The following ZNF438 variants were observed in gnomAD, a reference collection of about 807,000 sequenced individuals.
The protein encoded by ZNF438 is zinc finger protein 438.
A neutral mutation model predicts 38.0 loss-of-function variants in ZNF438; 25 were observed. The observed-to-expected ratio is 0.66, with a 90% confidence interval of 0.48 to 0.92. The LOEUF (loss-of-function observed/expected upper bound fraction) is 0.92, where lower values mean the gene tolerates loss of function less well. Ranked by LOEUF, ZNF438 falls within the 40% of genes least tolerant of loss-of-function variation. ZNF438 has a pLI of 0.00. For synonymous variants in ZNF438, 372 were observed against 364.1 expected (o/e 1.02, Z -0.25); for missense variants, 1,007 against 999.6 (o/e 1.01, Z -0.10).
intron 2 of ZNF438, among the ~76,000 whole-genome samples, chr10:30,914,984 C>CT (rs1226160968): frequency 6.6e-6 from 1 of 151,844 alleles, no homozygotes; most frequent in Non-Finnish European, 1.5e-5. Flanking sequence ...AAGCTCAAAA[C>CT]TTGTTTAGGC....
intron 1 of ZNF438, among the ~76,000 whole-genome samples, chr10:30,988,119 C>T (rs1013371658): frequency 2.0e-5 from 3 of 151,614 alleles, no homozygotes; most frequent in African/African-American, 4.8e-5. Context: ...TGCTGTAAAT[C>T]GAGTTTACTG....
intron 1 of ZNF438, among the ~76,000 whole-genome samples, chr10:30,972,675 A>G (rs1415292532): frequency 3.3e-5 from 5 of 152,126 alleles, no homozygotes; most frequent in Admixed American, 3.3e-4. Context: ...ACAGGCCTCT[A>G]CTGTTGTCCA....
At chr10:30,987,466 G>A (rs527251263) in intron 1 of ZNF438, among the ~76,000 whole-genome samples, 180 of 151,842 alleles carry the variant, frequency 1.2e-3, no homozygotes, top group African/African-American at 4.1e-3. Flanking sequence ...TCAACATAAC[G>A]GATGATTTTC....
intron 1 of ZNF438, among the ~76,000 whole-genome samples, chr10:30,953,385 T>TA (rs1314169042): frequency 4.0e-5 from 6 of 150,880 alleles, no homozygotes; most frequent in African/African-American, 1.5e-4. Flanking sequence ...ACATGTACCC[T>TA]AAAACTTAAA....
At chr10:30,957,423 T>C (rs1338593140) in intron 1 of ZNF438, among the ~76,000 whole-genome samples, 1 of 152,198 alleles carries the variant, frequency 6.6e-6, no homozygotes, top group Non-Finnish European at 1.5e-5. Context: ...TTTCTTTCCT[T>C]GTCTGTGCTT....
At chr10:30,969,296 C>T (rs919941749) in intron 1 of ZNF438, among the ~76,000 whole-genome samples, 4 of 152,176 alleles carry the variant, frequency 2.6e-5, no homozygotes, top group Non-Finnish European at 5.9e-5. Flanking sequence ...CCAAAGCACA[C>T]ATAGTCTGCT....
chr10:30,939,271 GTTGT>G (rs1454935120), intron 2 of ZNF438, among the ~76,000 whole-genome samples: 6 of 152,260 alleles, frequency 3.9e-5, no homozygotes, highest in South Asian at 2.1e-4. Context: ...AACCTTGAGG[GTTGT>G]TTATGTGCAT....
intron 1 of ZNF438, among the ~76,000 whole-genome samples, chr10:31,004,245 G>C (rs2054917820): frequency 6.6e-6 from 1 of 152,130 alleles, no homozygotes; most frequent in African/African-American, 2.4e-5. Flanking sequence ...AATGTCAATA[G>C]TGCTGAAGAT....
chr10:30,923,101 A>G (rs2934644), intron 2 of ZNF438, among the ~76,000 whole-genome samples: 130,175 of 152,234 alleles, frequency 0.86, 56,035 homozygotes, highest in African/African-American at 0.95. Flanking sequence ...AAATGATGGC[A>G]TAATTGAATT....
intron 3 of ZNF438, among the ~76,000 whole-genome samples, chr10:30,897,814 G>T (rs1266611131): frequency 6.6e-6 from 1 of 152,166 alleles, no homozygotes; most frequent in African/African-American, 2.4e-5. Context: ...GGGGCACACA[G>T]GGCCTTGTGG....
intron 2 of ZNF438, chr10:30,919,353 T>A (rs188553750): frequency 6.6e-6 from 1 of 152,352 alleles, no homozygotes. Flanking sequence ...TTTCTCCATA[T>A]GCTTTGTCTT....
At chr10:30,923,402 C>G (rs1302373701) in intron 2 of ZNF438, 1 of 152,226 alleles carries the variant, frequency 6.6e-6, no homozygotes, top group Admixed American at 6.5e-5. Flanking sequence ...CAATTTCTTT[C>G]CCGAGCTCTG....
exon 5 of ZNF438, chr10:30,848,812 G>C (rs1295837547): frequency 6.2e-7 from 1 of 1,614,240 alleles, no homozygotes; most frequent in Non-Finnish European, 8.5e-7. Context: ...AAGGGCGTCT[G>C]TTGGTGTGTG....
intron 5 of ZNF438, among the ~76,000 whole-genome samples, chr10:30,845,897 C>T (rs532048754): frequency 3.9e-4 from 59 of 152,282 alleles, no homozygotes; most frequent in African/African-American, 1.2e-3. Flanking sequence ...CACGTAAGAG[C>T]GCGTGAAGGG....
chr10:30,855,063 G>T (rs570880450), intron 4 of ZNF438, among the ~76,000 whole-genome samples: 2 of 152,300 alleles, frequency 1.3e-5, no homozygotes, highest in African/African-American at 4.8e-5. Flanking sequence ...TACCAAAAGG[G>T]AGTGAGCTAA....
intron 2 of ZNF438, among the ~76,000 whole-genome samples, chr10:30,928,320 C>T (rs1453909388): frequency 6.6e-6 from 1 of 152,036 alleles, no homozygotes; most frequent in Non-Finnish European, 1.5e-5. Context: ...TAATTAAAAT[C>T]TGAAAAATAT....
chr10:30,854,338 G>A (rs2034236973), intron 4 of ZNF438, among the ~76,000 whole-genome samples: 1 of 152,130 alleles, frequency 6.6e-6, no homozygotes, highest in Admixed American at 6.5e-5. Flanking sequence ...AATAGATAAA[G>A]TATCACATAT....
At chr10:30,898,034 G>A (rs754866543) in intron 3 of ZNF438, among the ~76,000 whole-genome samples, 1 of 152,160 alleles carries the variant, frequency 6.6e-6, no homozygotes, top group Non-Finnish European at 1.5e-5. Flanking sequence ...GGTTGCTGCT[G>A]TAAATTCACT....
chr10:30,864,482 C>T (rs542629773), intron 4 of ZNF438, among the ~76,000 whole-genome samples: 79 of 152,270 alleles, frequency 5.2e-4, no homozygotes, highest in African/African-American at 1.6e-3. Flanking sequence ...CACTGTCCTT[C>T]GAGGTACTTA....
Sources: gnomAD v4.1 joint callset for allele counts (sites outside exome capture counted in the v4.1 genomes callset) on GRCh38, gnomAD v4.1.1 for gene constraint, MANE v1.5 for transcripts, NCBI Gene and HGNC (gene_info 2026-07-23, HGNC 2026-07-21) for gene names.